KCNMA1: variants seen among roughly 807,000 people sequenced by gnomAD.
KCNMA1 encodes the protein potassium calcium-activated channel subfamily M alpha 1.
KCNMA1 carries 29 observed loss-of-function variants against 140.0 expected under a neutral mutation model. That is an observed-to-expected ratio of 0.21 (90% CI 0.15 to 0.28). KCNMA1 has a LOEUF of 0.28. KCNMA1 is among the 10% of genes least tolerant of loss of function. The probability of loss-of-function intolerance (pLI) is 1.00; values close to 1 mark genes in which losing one functional copy is unlikely to be tolerated. For synonymous variants in KCNMA1, 612 were observed against 611.9 expected (o/e 1.00, Z 0.00); for missense variants, 880 against 1,602.2 (o/e 0.55, Z 7.70).
intron 5 of KCNMA1, among the ~76,000 whole-genome samples, chr10:77,157,825 G>A (rs753000994): frequency 6.6e-6 from 1 of 152,168 alleles, no homozygotes; most frequent in Non-Finnish European, 1.5e-5. Context: ...TGGGAACAGC[G>A]TCCTGGCACC....
At chr10:77,025,242 GTATATA>G (rs1183311699) in intron 16 of KCNMA1, among the ~76,000 whole-genome samples, 130 of 42,772 alleles carry the variant, frequency 3.0e-3, no homozygotes, top group African/African-American at 6.8e-3. Context: ...GGGTGTGTGT[GTATATA>G]TATATATATA....
chr10:77,304,120 T>C (rs187592156), intron 2 of KCNMA1, among the ~76,000 whole-genome samples: 1 of 152,266 alleles, frequency 6.6e-6, no homozygotes, highest in East Asian at 1.9e-4. Flanking sequence ...CTCAGCTACC[T>C]GATTTCCTGC....
chr10:77,443,754 G>A (rs1054459754), intron 1 of KCNMA1, among the ~76,000 whole-genome samples: 2 of 152,212 alleles, frequency 1.3e-5, no homozygotes, highest in Non-Finnish European at 2.9e-5. Context: ...GGAACCAAAG[G>A]AGACAATCTT....
chr10:77,223,886 C>T (rs1405003130), intron 3 of KCNMA1, among the ~76,000 whole-genome samples: 1 of 152,082 alleles, frequency 6.6e-6, no homozygotes, highest in Non-Finnish European at 1.5e-5. Context: ...ATATGGAAGC[C>T]TTCATGACTT....
At chr10:77,205,885 T>A (rs1156412613) in intron 3 of KCNMA1, among the ~76,000 whole-genome samples, 2 of 152,324 alleles carry the variant, frequency 1.3e-5, no homozygotes, top group East Asian at 3.9e-4. Context: ...GTGACACCTC[T>A]GGGTAGGCAA....
chr10:77,336,464 A>C (rs1234166293), intron 2 of KCNMA1, among the ~76,000 whole-genome samples: 1 of 149,874 alleles, frequency 6.7e-6, no homozygotes. Context: ...GCAAAGAAAG[A>C]AAAAAAAAAG....
chr10:76,952,194 C>T, intron 21 of KCNMA1: 1 of 1,547,622 alleles, frequency 6.5e-7, no homozygotes, highest in Non-Finnish European at 8.7e-7. Flanking sequence ...TAAATTTAGG[C>T]CACCAGGGCA....
chr10:77,296,526 G>T (rs2075156750), intron 2 of KCNMA1, among the ~76,000 whole-genome samples: 1 of 152,152 alleles, frequency 6.6e-6, no homozygotes, highest in Admixed American at 6.5e-5. Context: ...ACTAATTCAT[G>T]TGTCAGAAGG....
chr10:77,073,276 A>T (rs757546737), intron 13 of KCNMA1, 24 bp from the exon 14 acceptor site: 1 of 1,613,104 alleles, frequency 6.2e-7, no homozygotes, highest in South Asian at 1.1e-5. Flanking sequence ...AGCAGGTATG[A>T]GACCTTGCTC....
At chr10:77,231,509 T>A (rs1192851621) in intron 3 of KCNMA1, among the ~76,000 whole-genome samples, 1 of 152,228 alleles carries the variant, frequency 6.6e-6, no homozygotes, top group Non-Finnish European at 1.5e-5. Flanking sequence ...TTTCTTTTTT[T>A]TAGGTTTGCC....
intron 1 of KCNMA1, among the ~76,000 whole-genome samples, chr10:77,413,293 C>T (rs140679914): frequency 1.3e-3 from 201 of 152,224 alleles, no homozygotes; most frequent in African/African-American, 4.3e-3. Context: ...TCCCTCCCCG[C>T]GGGCTGCTCT....
intron 1 of KCNMA1, among the ~76,000 whole-genome samples, chr10:77,605,554 C>G (rs1343598580): frequency 6.6e-6 from 1 of 152,172 alleles, no homozygotes; most frequent in African/African-American, 2.4e-5. Flanking sequence ...TGCTGGGTAC[C>G]CTCCCTACAC....
At chr10:77,422,798 A>C (rs1202872000) in intron 1 of KCNMA1, among the ~76,000 whole-genome samples, 1 of 152,192 alleles carries the variant, frequency 6.6e-6, no homozygotes, top group African/African-American at 2.4e-5. Context: ...TGCAAGTCAA[A>C]GACTGCCAGC....
chr10:77,072,962 C>T, intron 14 of KCNMA1, 135 bp downstream of exon 14: 1 of 826,080 alleles, frequency 1.2e-6, no homozygotes, highest in Non-Finnish European at 2.0e-6. Flanking sequence ...ATGCCCAAAT[C>T]CGTAACAAGG....
chr10:77,073,596 T>C (rs1214062554), intron 13 of KCNMA1, among the ~76,000 whole-genome samples: 1 of 152,164 alleles, frequency 6.6e-6, no homozygotes, highest in Non-Finnish European at 1.5e-5. Flanking sequence ...TAATAGACCG[T>C]AGGAGTGCCA....
intron 20 of KCNMA1, among the ~76,000 whole-genome samples, chr10:76,955,835 A>C (rs2068049535): frequency 1.3e-5 from 2 of 152,202 alleles, no homozygotes; most frequent in South Asian, 4.1e-4. Context: ...GGTTTGAGAA[A>C]ATGAACAAAA....
intron 14 of KCNMA1, among the ~76,000 whole-genome samples, chr10:77,054,785 CT>C (rs1207981690): frequency 1.3e-5 from 2 of 152,216 alleles, no homozygotes; most frequent in Middle Eastern, 3.2e-3. Context: ...TGGCAGATGG[CT>C]GCCTAAATTG....
intron 20 of KCNMA1, among the ~76,000 whole-genome samples, chr10:76,966,772 G>T (rs536677161): frequency 6.6e-6 from 1 of 152,270 alleles, no homozygotes; most frequent in South Asian, 2.1e-4. Context: ...AAGCCTCCAT[G>T]GCTCACACCT....
At chr10:77,157,686 G>C (rs571377305) in intron 5 of KCNMA1, among the ~76,000 whole-genome samples, 1 of 152,212 alleles carries the variant, frequency 6.6e-6, no homozygotes, top group Non-Finnish European at 1.5e-5. Context: ...TGGTTTCTGG[G>C]ATGCAATATC....
Sources: allele counts gnomAD v4.1 joint callset (sites outside exome capture counted in the v4.1 genomes callset), GRCh38; gene constraint gnomAD v4.1.1; transcripts MANE v1.5; gene names NCBI Gene and HGNC (gene_info 2026-07-23, HGNC 2026-07-21).